The following OPRM1 variants were observed in gnomAD, a reference collection of about 807,000 sequenced individuals.
The protein encoded by OPRM1 is opioid receptor mu 1, also known as mu-type opioid receptor.
In OPRM1, 27 loss-of-function variants were observed where a neutral mutation model predicts 31.8. The ratio of observed to expected loss-of-function variants is 0.85; its 90% confidence interval spans 0.63 to 1.17. The LOEUF (loss-of-function observed/expected upper bound fraction) is 1.17, where lower values mean the gene tolerates loss of function less well. OPRM1 is among the 50% of genes most tolerant of loss of function. OPRM1 has a pLI of 0.00. For synonymous variants in OPRM1, 196 were observed against 189.9 expected, an observed-to-expected ratio of 1.03 and a Z score of -0.26; for missense variants, 536 against 511.1, an observed-to-expected ratio of 1.05 and a Z score of -0.47.
At position 154,123,396 on chromosome 6, in the gene OPRM1, T is replaced by C. The variant is rs148123785; in HGVS notation, c.*4675T>C. 4.0e-4 allele frequency among the ~76,000 whole-genome samples: 61 copies of C among 152,300 alleles called. No homozygotes were observed. Among genetic ancestry groups the C allele is most frequent in the African/African-American group, 1.4e-3 (60 of 41,576 alleles). Reference sequence around the variant, plus strand: ...TTACTTTCTAACAGTGCAGCAGTTATAGTCTGAGTTTTCTCCAGGCTGCTC... The same window carrying C: ...TTACTTTCTAACAGTGCAGCAGTTACAGTCTGAGTTTTCTCCAGGCTGCTC... On this transcript the variant is annotated 3_prime_UTR_variant, in exon 4 of 4. Transcript: ENST00000330432.
chr6:154,082,728 A>G (rs1789457176), intron 1 of OPRM1, among the ~76,000 whole-genome samples: 1 of 152,198 alleles, frequency 6.6e-6, no homozygotes, highest in African/African-American at 2.4e-5. Flanking sequence ...TAAGCTCTAA[A>G]TATCAGGTTC....
At chr6:154,082,327 TA>T (rs1432137760) in intron 1 of OPRM1, among the ~76,000 whole-genome samples, 1 of 152,226 alleles carries the variant, frequency 6.6e-6, no homozygotes, top group Non-Finnish European at 1.5e-5. Context: ...CTATCCATGT[TA>T]TTTTTCATAT....
At chr6:154,099,282 C>CAAAAG (rs1793946306) in intron 3 of OPRM1, among the ~76,000 whole-genome samples, 5 of 101,482 alleles carry the variant, frequency 4.9e-5, no homozygotes, top group African/African-American at 1.5e-4. Context: ...GAGAGTCTGT[C>CAAAAG]GAAAGGAAGG....
chr6:154,138,019 C>T (rs910435612), intron 3 of OPRM1, among the ~76,000 whole-genome samples: 4 of 152,214 alleles, frequency 2.6e-5, no homozygotes, highest in Non-Finnish European at 5.9e-5. Context: ...AAGACATAGT[C>T]TTCCCCTTCA....
At chr6:154,142,443 G>A (rs1036064655) in intron 3 of OPRM1, among the ~76,000 whole-genome samples, 1 of 152,042 alleles carries the variant, frequency 6.6e-6, no homozygotes, top group Non-Finnish European at 1.5e-5. Context: ...AACACCTCAG[G>A]CGAGCATGTG....
At chr6:154,171,526 A>G (rs1309302324) in intron 3 of OPRM1, among the ~76,000 whole-genome samples, 1 of 152,204 alleles carries the variant, frequency 6.6e-6, no homozygotes, top group Non-Finnish European at 1.5e-5. Flanking sequence ...TGTGATGCTG[A>G]AATGTTCCAA....
chr6:154,074,260 A>C (rs1427570145), intron 1 of OPRM1: 1 of 152,194 alleles, frequency 6.6e-6, no homozygotes, highest in Non-Finnish European at 1.5e-5. Flanking sequence ...TATATACCTT[A>C]TATATGTGGT....
At chr6:154,238,398 G>A (rs1780308463) in intron 3 of OPRM1, among the ~76,000 whole-genome samples, 1 of 151,986 alleles carries the variant, frequency 6.6e-6, no homozygotes, top group African/African-American at 2.4e-5. Flanking sequence ...TGGAATTACA[G>A]GCATGCACCA....
intron 3 of OPRM1, among the ~76,000 whole-genome samples, chr6:154,176,953 T>G (rs1452409539): frequency 6.6e-6 from 1 of 151,862 alleles, no homozygotes; most frequent in Non-Finnish European, 1.5e-5. Flanking sequence ...TATAGACCAA[T>G]GGAACAGAAC....
chr6:154,232,009 G>A (rs556282430), intron 3 of OPRM1, among the ~76,000 whole-genome samples: 6 of 152,250 alleles, frequency 3.9e-5, no homozygotes, highest in African/African-American at 1.4e-4. Flanking sequence ...AGGACTCTTC[G>A]TAGTGACATG....
At chr6:154,088,284 C>T (rs890733945) in intron 1 of OPRM1, among the ~76,000 whole-genome samples, 1 of 152,078 alleles carries the variant, frequency 6.6e-6, no homozygotes, top group East Asian at 1.9e-4. Context: ...GAACAGAAAG[C>T]AAACCAAGAT....
At chr6:154,048,526 T>C (rs1434502319) in intron 1 of OPRM1, among the ~76,000 whole-genome samples, 1 of 152,190 alleles carries the variant, frequency 6.6e-6, no homozygotes, top group East Asian at 1.9e-4. Flanking sequence ...TTGAACTATA[T>C]CTATCTCTTT....
At chr6:154,033,474 A>G (rs923421239) in intron 1 of OPRM1, among the ~76,000 whole-genome samples, 8 of 152,318 alleles carry the variant, frequency 5.3e-5, no homozygotes, top group Admixed American at 2.6e-4. Context: ...AAAGCGCTGG[A>G]AAAGTGCTAC....
In OPRM1 at chr6:154,176,349, A is replaced by T. The variant is rs529909037; in HGVS notation, c.1165-70344A>T. 5.3e-5 allele frequency among the ~76,000 whole-genome samples: 8 copies of T among 152,334 alleles called. 1 individual carries two copies. In the South Asian group the frequency reaches 1.7e-3, roughly 32 times the overall value. On this transcript the variant is annotated intron_variant, in intron 3 of 3. Coordinates refer to the OPRM1 transcript ENST00000337049. ...GCAATCAGACAAGAGAAAGAAATAA[A>T]GTGTATTCAATTAGGAAAAGAGGAG...
chr6:154,102,987 T>C (rs1267838689), intron 3 of OPRM1, among the ~76,000 whole-genome samples: 1 of 149,824 alleles, frequency 6.7e-6, no homozygotes, highest in African/African-American at 2.4e-5. Flanking sequence ...TCAACCCTTA[T>C]ATTACTTCAA....
chr6:154,023,056 T>C (rs1191699802), intron 1 of OPRM1, among the ~76,000 whole-genome samples: 1 of 152,166 alleles, frequency 6.6e-6, no homozygotes, highest in Non-Finnish European at 1.5e-5. Flanking sequence ...TTCACATAAA[T>C]CTTAGGACGA....
Position 154,124,091 on chromosome 6 carries a change from G to T in OPRM1, c.*5370G>T, listed in dbSNP as rs1349697284. ...CAAATATAAGGACCATTGACACTGA[G>T]ATTTTAAGGGAGGAAAAACAGATTG... is the stretch of plus-strand genomic sequence containing the variant. On this transcript the variant is annotated 3_prime_UTR_variant, in exon 4 of 4. Transcript: ENST00000330432. 6.6e-6 allele frequency among the ~76,000 whole-genome samples: 1 copy of T among 152,126 alleles called. No homozygotes were observed. The highest frequency in any genetic ancestry group is 1.5e-5 in the Non-Finnish European group (1 of 68,012).
chr6:154,089,207 T>C (rs916162354), intron 1 of OPRM1, among the ~76,000 whole-genome samples: 2 of 152,142 alleles, frequency 1.3e-5, no homozygotes, highest in African/African-American at 4.8e-5. Flanking sequence ...TTAGAATTAC[T>C]ATCCAGTCGC....
chr6:154,050,056 A>C (rs1156908946), intron 1 of OPRM1, among the ~76,000 whole-genome samples: 1 of 152,080 alleles, frequency 6.6e-6, no homozygotes, highest in Non-Finnish European at 1.5e-5. Context: ...TCTATTTCTT[A>C]GAATAGTTTG....
Sources: allele counts gnomAD v4.1 joint callset (sites outside exome capture counted in the v4.1 genomes callset), GRCh38; gene constraint gnomAD v4.1.1; transcripts MANE v1.5; gene names NCBI Gene and HGNC (gene_info 2026-07-23, HGNC 2026-07-21).